GALNT13: variants seen among roughly 807,000 people sequenced by gnomAD.
GALNT13 encodes UDP-GalNAc:polypeptide N-acetylgalactosaminyltransferase 13.
A neutral mutation model predicts 64.2 loss-of-function variants in GALNT13; 28 were observed. The ratio of observed to expected loss-of-function variants is 0.44; its 90% CI spans 0.32 to 0.60. The LOEUF (loss-of-function observed/expected upper bound fraction) is 0.60. GALNT13 is among the 20% of genes least tolerant of loss of function. The pLI is 0.05. For missense variants in GALNT13, 577 were observed against 669.8 expected, an observed-to-expected ratio of 0.86 and a Z score of 1.53; for synonymous variants, 214 against 224.6, an observed-to-expected ratio of 0.95 and a Z score of 0.42.
At chr2:153,868,326 A>G (rs12693843), upstream of GALNT13, among the ~76,000 whole-genome samples, 132,999 of 151,948 alleles carry the variant, frequency 0.88, 59,106 homozygotes, top group Middle Eastern at 0.95. Context: ...GGAGGTAAGC[A>G]GAGCCCCAGA....
intron 10 of GALNT13, among the ~76,000 whole-genome samples, chr2:154,406,468 G>C (rs1340469935): frequency 6.6e-6 from 1 of 152,110 alleles, no homozygotes; most frequent in Non-Finnish European, 1.5e-5. Flanking sequence ...GCTCACTGCA[G>C]TGGTGGTACA....
the GALNT13 span, among the ~76,000 whole-genome samples, chr2:153,426,039 A>G: frequency 6.6e-6 from 1 of 151,878 alleles, no homozygotes; most frequent in Admixed American, 6.6e-5. Context: ...TAGGTCATAC[A>G]CTGTCTAATT....
At chr2:153,117,478 G>A in the GALNT13 span, among the ~76,000 whole-genome samples, 2 of 152,082 alleles carry the variant, frequency 1.3e-5, no homozygotes, top group African/African-American at 4.8e-5. Flanking sequence ...AAAATGTTAT[G>A]GTTATATGGT....
the GALNT13 span, among the ~76,000 whole-genome samples, chr2:153,277,118 G>A: frequency 3.3e-5 from 5 of 152,098 alleles, no homozygotes; most frequent in African/African-American, 1.2e-4. Flanking sequence ...TATATTGTGC[G>A]ACGGTAATGC....
the GALNT13 span, among the ~76,000 whole-genome samples, chr2:153,121,839 C>A: frequency 2.0e-5 from 3 of 152,168 alleles, no homozygotes; most frequent in African/African-American, 7.2e-5. Flanking sequence ...TTTTACGACA[C>A]TGAAAACAGA....
chr2:153,255,829 G>C, the GALNT13 span, among the ~76,000 whole-genome samples: 2 of 152,340 alleles, frequency 1.3e-5, no homozygotes, highest in Admixed American at 6.5e-5. Flanking sequence ...TTTCTGCTGA[G>C]AGATCAGCTG....
At chr2:153,735,019 G>T in the GALNT13 span, among the ~76,000 whole-genome samples, 2 of 152,238 alleles carry the variant, frequency 1.3e-5, no homozygotes, top group South Asian at 2.1e-4. Context: ...CTTCCTGGCT[G>T]CCAGACAAAG....
intron 8 of GALNT13, among the ~76,000 whole-genome samples, chr2:154,300,843 A>G (rs1254435208): frequency 6.6e-6 from 1 of 152,202 alleles, no homozygotes; most frequent in Non-Finnish European, 1.5e-5. Context: ...ACACATTACT[A>G]AATCTCCCCC....
At chr2:154,248,225 A>G (rs963555141) in intron 7 of GALNT13, among the ~76,000 whole-genome samples, 1 of 152,090 alleles carries the variant, frequency 6.6e-6, no homozygotes, top group Non-Finnish European at 1.5e-5. Context: ...GCCAAGTTGA[A>G]CTTGTGACCT....
intron 9 of GALNT13, among the ~76,000 whole-genome samples, chr2:154,347,261 T>C (rs1433928825): frequency 6.6e-6 from 1 of 152,134 alleles, no homozygotes; most frequent in Non-Finnish European, 1.5e-5. Flanking sequence ...TGCCCGTTTA[T>C]TTGTCAGGAC....
chr2:153,096,118 G>A, the GALNT13 span, among the ~76,000 whole-genome samples: 1 of 151,806 alleles, frequency 6.6e-6, no homozygotes. Flanking sequence ...TTTCTTCATT[G>A]ACCCATTGGT....
the GALNT13 span, among the ~76,000 whole-genome samples, chr2:153,391,122 C>T: frequency 6.6e-6 from 1 of 151,834 alleles, no homozygotes; most frequent in Non-Finnish European, 1.5e-5. Context: ...AGGGTGGGGT[C>T]ATATAAAGAC....
rs189067808 is a variant in GALNT13 at position 153,922,048 on chromosome 2, G to A, written c.-105+21041G>A. Among the ~76,000 whole-genome samples the A allele has an allele frequency of 2.0e-5, 3 of 152,182 alleles. No individual in the cohort carries two copies. In the East Asian group the frequency reaches 5.8e-4, roughly 29 times the overall value. ...AAAAAAATCCATGTATCGGTTAGTG[G>A]GTTTTATTAATTTAGATTGCTGTCT... On this transcript the variant is annotated intron_variant, in intron 2 of 12. Transcript: ENST00000392825.
At chr2:153,753,428 G>A in the GALNT13 span, among the ~76,000 whole-genome samples, 3 of 152,116 alleles carry the variant, frequency 2.0e-5, no homozygotes, top group Non-Finnish European at 4.4e-5. Flanking sequence ...TGAGTTTTGT[G>A]ATTTAAGATG....
At chr2:153,594,124 T>C in the GALNT13 span, among the ~76,000 whole-genome samples, 1 of 152,142 alleles carries the variant, frequency 6.6e-6, no homozygotes, top group South Asian at 2.1e-4. Flanking sequence ...TTTTCTGAAA[T>C]CTAAAAGTCA....
At chr2:153,684,866 C>T in the GALNT13 span, among the ~76,000 whole-genome samples, 5 of 151,848 alleles carry the variant, frequency 3.3e-5, no homozygotes, top group African/African-American at 1.2e-4. Flanking sequence ...CTTGTGTTCT[C>T]ATAATTTGGC....
chr2:153,117,866 A>G, the GALNT13 span, among the ~76,000 whole-genome samples: 6 of 152,086 alleles, frequency 3.9e-5, no homozygotes, highest in African/African-American at 1.4e-4. Flanking sequence ...AGAGCTGGAA[A>G]TCATTTTCTT....
the GALNT13 span, among the ~76,000 whole-genome samples, chr2:153,086,121 G>A: frequency 6.6e-6 from 1 of 152,184 alleles, no homozygotes; most frequent in Non-Finnish European, 1.5e-5. Flanking sequence ...TGGAAGAGGT[G>A]TATTTATCCA....
At chr2:154,329,738 G>T (rs898158438) in intron 9 of GALNT13, among the ~76,000 whole-genome samples, 1 of 151,926 alleles carries the variant, frequency 6.6e-6, no homozygotes, top group African/African-American at 2.4e-5. Context: ...CCTAGGGGAG[G>T]GGTGTGAGTG....
Sources: allele counts gnomAD v4.1 joint callset (sites outside exome capture counted in the v4.1 genomes callset), GRCh38; gene constraint gnomAD v4.1.1; transcripts MANE v1.5; gene names NCBI Gene and HGNC (gene_info 2026-07-23, HGNC 2026-07-21).